The following ADPRH variants were observed in gnomAD, a reference collection of about 807,000 sequenced individuals.
ADPRH encodes the protein ADP-ribose-L-arginine cleaving enzyme.
Under a neutral mutation model 28.8 loss-of-function variants are expected in ADPRH, and 27 were observed. The observed-to-expected ratio is 0.94, with a 90% confidence interval of 0.69 to 1.29. The LOEUF is 1.29. Ranked by LOEUF, ADPRH falls within the 50% of genes most tolerant of loss-of-function variation. The pLI is 0.00. For synonymous variants in ADPRH, 161 were observed against 166.9 expected (o/e 0.96, Z 0.27); for missense variants, 419 against 444.8 (o/e 0.94, Z 0.52).
chr3:119,580,507 G>C (rs1056966870), intron 1 of ADPRH, 44 bp from the exon 2 acceptor site: 1 of 152,168 alleles, frequency 6.6e-6, no homozygotes, highest in Admixed American at 6.6e-5. Flanking sequence ...ACCAGTAACT[G>C]GGTAGTGGAA....
chr3:119,582,616 C>A, intron 3 of ADPRH, 149 bp downstream of exon 3: 1 of 991,438 alleles, frequency 1.0e-6, no homozygotes, highest in Non-Finnish European at 1.4e-6. Flanking sequence ...GGTGGTGGCT[C>A]ATACCTGTAA....
chr3:119,586,612 C>G lies in ADPRH; in HGVS notation c.626C>G (p.Ser209Ter). The change falls in exon 4 of 5, where the codon TCA (serine) becomes TGA (stop). Residue 209 changes from serine to a stop codon, truncating the protein, a stop_gained. Coordinates refer to ENST00000357003, the MANE Select transcript of ADPRH (RefSeq NM_001125.4). LOFTEE classifies it high-confidence loss of function. ...GAAGCTAAAAAGTACATTGTCCAAT[C>G]AGGCTACTTTGTAGAGGAAAATCTT... ...LPEAKKYIVQ[S>*]GYFVEENLQH... 6.2e-7 allele frequency: 1 copy of G among 1,614,104 alleles called. No homozygotes were observed. The highest frequency in any genetic ancestry group is 8.5e-7 in the Non-Finnish European group (1 of 1,180,006).
Position 119,586,458 on chromosome 3 carries a change from A to T in ADPRH, c.472A>T (p.Ser158Cys), listed in dbSNP as rs751365707. The T allele has an allele frequency of 5.6e-6, 9 of 1,614,184 alleles. No individual in the cohort carries two copies. The highest frequency in any genetic ancestry group is 7.6e-6 in the Non-Finnish European group (9 of 1,180,028). Reference protein sequence around the residue: ...LDTLIQVSIESGRMTHHHPTG... With the variant: ...LDTLIQVSIECGRMTHHHPTG... Reference sequence around the variant, plus strand: ...CACACTGATCCAAGTGAGCATCGAGAGTGGTCGGATGACCCACCACCACCC... The same window carrying T: ...CACACTGATCCAAGTGAGCATCGAGTGTGGTCGGATGACCCACCACCACCC... The change falls in exon 4 of 5, where the codon AGT (serine) becomes TGT (cysteine). Residue 158 changes from serine to cysteine, a missense_variant. Transcript: ENST00000357003.
intron 3 of ADPRH, among the ~76,000 whole-genome samples, chr3:119,583,411 A>G (rs2082425880): frequency 6.6e-6 from 1 of 152,222 alleles, no homozygotes; most frequent in Non-Finnish European, 1.5e-5. Context: ...GGCAATAGAT[A>G]TGCTAATTAG....
At chr3:119,583,031 G>A (rs1307705698) in intron 3 of ADPRH, among the ~76,000 whole-genome samples, 1 of 152,126 alleles carries the variant, frequency 6.6e-6, no homozygotes, top group Non-Finnish European at 1.5e-5. Flanking sequence ...CCGGTCGCTG[G>A]TGCCAAAAAG....
Position 119,588,892 on chromosome 3 carries a change from T to C in ADPRH, c.*1014T>C, listed in dbSNP as rs759575838. The C allele has an allele frequency of 2.0e-5, 3 of 152,268 alleles. No individual in the cohort carries two copies. Among genetic ancestry groups the C allele is most frequent in the Non-Finnish European group, 4.4e-5 (3 of 68,062 alleles). 9.4% of individuals were successfully genotyped at this position (152,268 alleles called of 1,614,324 possible). ...CAGCCAATAGGCATTAATCAGTATC[T>C]ATTGAGTGTTATGAACTAGCCTCCT... On this transcript the variant is annotated 3_prime_UTR_variant, in exon 5 of 5. Coordinates refer to ENST00000357003, the MANE Select transcript of ADPRH (RefSeq NM_001125.4).
At chr3:119,585,771 G>A (rs1011397719) in intron 3 of ADPRH, among the ~76,000 whole-genome samples, 1 of 152,052 alleles carries the variant, frequency 6.6e-6, no homozygotes, top group South Asian at 2.1e-4. Context: ...GGATGGTCCC[G>A]ATCTCCTGAC....
chr3:119,584,000 A>G (rs2082433489), intron 3 of ADPRH, among the ~76,000 whole-genome samples: 1 of 149,620 alleles, frequency 6.7e-6, no homozygotes, highest in South Asian at 2.1e-4. Flanking sequence ...CTGGTTTCGA[A>G]CTCCTGACCT....
In ADPRH at chr3:119,587,777, C is replaced by G; in HGVS notation, c.973C>G (p.Pro325Ala). The change falls in exon 5 of 5, where the codon CCC becomes GCC. Residue 325 changes from proline to alanine, a missense_variant. Physicochemically the swap from Pro to Ala is conservative, Grantham distance 27. Coordinates refer to ENST00000357003, the MANE Select transcript of ADPRH (RefSeq NM_001125.4). ...TATGTATGGTTTTAAAGGAGTGAGT[C>G]CCTCCAACTATGAGAAACTAGAATA... is the stretch of plus-strand genomic sequence containing the variant. ...GVMYGFKGVS[P>A]SNYEKLEYRN... 2 of 1,614,118 alleles carry G rather than the reference C, an allele frequency of 1.2e-6. No individual in the cohort carries two copies. Among genetic ancestry groups the G allele is most frequent in the Admixed American group, 3.3e-5 (2 of 60,018 alleles).
In ADPRH at chr3:119,587,624, G is replaced by GC; in HGVS notation, c.825dup (p.Met276HisfsTer29). 6.2e-7 allele frequency: 1 copy of GC among 1,614,188 alleles called. No individual in the cohort carries two copies. Among genetic ancestry groups the GC allele is most frequent in the Non-Finnish European group, 8.5e-7 (1 of 1,180,020 alleles). Reference sequence around the variant, plus strand: ...CTGGGGTGGCAGCAGTGGGCACGATGCCCCCATGATTGCCTACGATGCTGT... The same window carrying GC: ...CTGGGGTGGCAGCAGTGGGCACGATGCCCCCCATGATTGCCTACGATGCTGT... On this transcript the variant is annotated frameshift_variant, in exon 5 of 5. Transcript: ENST00000357003. LOFTEE classifies it high-confidence loss of function.
At chr3:119,586,953 C>T (rs2082467633) in intron 4 of ADPRH, among the ~76,000 whole-genome samples, 1 of 152,196 alleles carries the variant, frequency 6.6e-6, no homozygotes, top group South Asian at 2.1e-4. Flanking sequence ...CTGGAATTTG[C>T]TTTTTCAGTG....
chr3:119,584,105 A>G (rs1158641963), intron 3 of ADPRH, among the ~76,000 whole-genome samples: 1 of 152,010 alleles, frequency 6.6e-6, no homozygotes, highest in African/African-American at 2.4e-5. Context: ...TAAAAAATAG[A>G]TATGTATTTC....
chr3:119,588,728 G>A lies in ADPRH; in HGVS notation c.*850G>A, dbSNP rs2082488673. 1 of 152,248 alleles carries A rather than the reference G, an allele frequency of 6.6e-6. No homozygotes were observed. The highest frequency in any genetic ancestry group is 1.5e-5 in the Non-Finnish European group (1 of 68,072). 9.4% of individuals were successfully genotyped at this position (152,248 alleles called of 1,614,324 possible). ...TTTCAGCTGGATTTCTGCAATCCAAGCTACTCAAGTCTGGGAGATGCTGCT... is the reference window on the plus strand; with the variant it reads ...TTTCAGCTGGATTTCTGCAATCCAAACTACTCAAGTCTGGGAGATGCTGCT... On this transcript the variant is annotated 3_prime_UTR_variant, in exon 5 of 5. Coordinates refer to ENST00000357003, the MANE Select transcript of ADPRH (RefSeq NM_001125.4).
At chr3:119,585,759 C>A (rs1214666164) in intron 3 of ADPRH, among the ~76,000 whole-genome samples, 1 of 152,148 alleles carries the variant, frequency 6.6e-6, no homozygotes, top group African/African-American at 2.4e-5. Context: ...CCGTGTTAGC[C>A]AGGATGGTCC....
intron 3 of ADPRH, 104 bp from the exon 4 acceptor site, chr3:119,586,181 C>T: frequency 1.9e-6 from 3 of 1,540,992 alleles, no homozygotes; most frequent in African/African-American, 1.4e-5. Flanking sequence ...TTTGGCTCTC[C>T]CTTTCCATCA....
rs1393612897 is a variant in ADPRH, at chr3:119,588,651, C to T, written c.*773C>T. The T allele has an allele frequency of 6.6e-6, 1 of 152,200 alleles. No individual in the cohort carries two copies. Among genetic ancestry groups the T allele is most frequent in the Non-Finnish European group, 1.5e-5 (1 of 68,036 alleles). The allele number at this position is 152,200 out of a possible 1,614,324, so 9.4% of individuals were successfully genotyped here. The stretch of plus-strand genomic sequence containing the variant: ...CAATATCTGCTAGGCTGGTCTACCT[C>T]CTAAATATACTCTGAATCTATCACC... On this transcript the variant is annotated 3_prime_UTR_variant, in exon 5 of 5. Transcript: ENST00000357003.
rs913328798 is a variant in ADPRH, at chr3:119,589,607, G to A, written c.*1729G>A. On this transcript the variant is annotated 3_prime_UTR_variant, in exon 5 of 5. Coordinates refer to ENST00000357003, the MANE Select transcript of ADPRH (RefSeq NM_001125.4). Reference sequence around the variant, plus strand: ...GGTAGGGGATGCAGGGAGGATCTTAGCATTTGTTGTTTTCTAGTGCAGGGC... The same window carrying A: ...GGTAGGGGATGCAGGGAGGATCTTAACATTTGTTGTTTTCTAGTGCAGGGC... 1 of 152,206 alleles carries A rather than the reference G, an allele frequency of 6.6e-6. No individual in the cohort carries two copies. The highest frequency in any genetic ancestry group is 1.5e-5 in the Non-Finnish European group (1 of 68,040). The allele number at this position is 152,206 out of a possible 1,614,324, so 9.4% of individuals were successfully genotyped here. A position where few individuals can be genotyped will look rare whatever the true frequency, so the allele number is the denominator to read the frequency against.
Position 119,582,248 on chromosome 3 carries a change from C to T in ADPRH, c.79C>T (p.Leu27Phe). 2.5e-6 allele frequency: 4 copies of T among 1,614,216 alleles called. No homozygotes were observed. The highest frequency in any genetic ancestry group is 2.2e-5 in the East Asian group (1 of 44,886). The change falls in exon 3 of 5, where the codon CTC becomes TTC. Residue 27 changes from leucine to phenylalanine, a missense_variant. Coordinates refer to ENST00000357003, the MANE Select transcript of ADPRH (RefSeq NM_001125.4). Reference protein sequence around the residue: ...LGYYNGKWEFLQDGEKIHRQL... With the variant: ...LGYYNGKWEFFQDGEKIHRQL... ...GTACTACAATGGGAAGTGGGAGTTC[C>T]TCCAGGATGGGGAGAAGATACACCG... is the stretch of plus-strand genomic sequence containing the variant.
At position 119,582,235 on chromosome 3, in the gene ADPRH, G is replaced by A. The variant is rs754354521; in HGVS notation, c.66G>A (p.Gly22=). The A allele has an allele frequency of 6.2e-7, 1 of 1,614,228 alleles. No homozygotes were observed. Among genetic ancestry groups the A allele is most frequent in the South Asian group, 1.1e-5 (1 of 91,078 alleles). ...AAGDALGYYN[G]KWEFLQDGEK... Reference sequence around the variant, plus strand: ...GAGATGCCCTGGGGTACTACAATGGGAAGTGGGAGTTCCTCCAGGATGGGG... The same window carrying A: ...GAGATGCCCTGGGGTACTACAATGGAAAGTGGGAGTTCCTCCAGGATGGGG... The change falls in exon 3 of 5, where the codon GGG becomes GGA. Residue 22 remains glycine (G), a synonymous_variant. Transcript: ENST00000357003.
Sources: gnomAD v4.1 joint callset for allele counts (sites outside exome capture counted in the v4.1 genomes callset) on GRCh38, gnomAD v4.1.1 for gene constraint, MANE v1.5 for transcripts, NCBI Gene and HGNC (gene_info 2026-07-23, HGNC 2026-07-21) for gene names.